FATE1: variants seen among roughly 807,000 people sequenced by gnomAD.
FATE1 encodes the protein fetal and adult testis-expressed transcript protein.
A neutral mutation model predicts 16.0 loss-of-function variants in FATE1; 18 were observed. The ratio of observed to expected loss-of-function variants is 1.12; its 90% CI spans 0.78 to 1.66. The LOEUF (loss-of-function observed/expected upper bound fraction) is 1.66, where lower values mean the gene tolerates loss of function less well. FATE1 is among the 40% of genes most tolerant of loss of function. The probability of loss-of-function intolerance (pLI) is 0.00; values close to 1 mark genes in which losing one functional copy is unlikely to be tolerated. For missense variants in FATE1, 169 were observed against 152.7 expected, an observed-to-expected ratio of 1.11 and a Z score of -0.56; for synonymous variants, 76 against 56.9, an observed-to-expected ratio of 1.34 and a Z score of -1.51.
chrX:151,720,885 T>G (rs1396778454), intron 2 of FATE1, among the ~76,000 whole-genome samples: 1 of 111,081 alleles, frequency 9.0e-6, no homozygotes, highest in Non-Finnish European at 1.9e-5. Context: ...TGCTAGGGAG[T>G]TGTTGGCAGA....
chrX:151,721,197 A>G (rs2015112227), intron 2 of FATE1, among the ~76,000 whole-genome samples, 198 bp from the exon 3 acceptor site: 1 of 112,203 alleles, frequency 8.9e-6, no homozygotes, highest in Non-Finnish European at 1.9e-5. Context: ...ACCGAGGAGC[A>G]TGGTGTGGGT....
chrX:151,722,738 G>A lies in FATE1; in HGVS notation c.531G>A (p.Leu177=). ...AVLVSASIAN[L]WLWMNQ Reference sequence around the variant, plus strand: ...TGGTGTCGGCCAGCATTGCCAACCTGTGGCTGTGGATGAACCAGTGATCGC... The same window carrying A: ...TGGTGTCGGCCAGCATTGCCAACCTATGGCTGTGGATGAACCAGTGATCGC... Residue 177 remains leucine, a synonymous_variant, in exon 5 of 5, where the codon CTG becomes CTA. Coordinates refer to ENST00000370350, the MANE Select transcript of FATE1 (RefSeq NM_033085.3). The A allele has an allele frequency of 8.3e-7, 1 of 1,211,084 alleles. No homozygotes were observed. Among genetic ancestry groups the A allele is most frequent in the Non-Finnish European group, 1.1e-6 (1 of 894,913 alleles).
chrX:151,719,312 C>G (rs1215326735), intron 2 of FATE1, among the ~76,000 whole-genome samples: 1 of 111,819 alleles, frequency 8.9e-6, no homozygotes, highest in Non-Finnish European at 1.9e-5. Context: ...TGCTATCCTG[C>G]TGACTTGGAA....
chrX:151,722,498 C>T lies in FATE1; in HGVS notation c.421-130C>T, dbSNP rs1425019518. ...CCAGCCTCCTGCTTCTCACTAGGGGCGCTCCCCGCTCCACCGCCAAAGGGC... is the reference window on the plus strand; with the variant it reads ...CCAGCCTCCTGCTTCTCACTAGGGGTGCTCCCCGCTCCACCGCCAAAGGGC... On this transcript the variant is annotated intron_variant, in intron 4 of 4. Coordinates refer to ENST00000370350, the MANE Select transcript of FATE1 (RefSeq NM_033085.3). The T allele has an allele frequency of 6.1e-5, 59 of 973,153 alleles. No homozygotes were observed. The East Asian group carries it at 1.6e-3, about 26-fold the overall frequency. 80.2% of individuals were successfully genotyped at this position (973,153 alleles called of 1,213,427 possible). A position where few individuals can be genotyped will look rare whatever the true frequency, so the allele number is the denominator to read the frequency against.
chrX:151,722,515 C>A, intron 4 of FATE1, 113 bp from the exon 5 acceptor site: 1 of 1,112,246 alleles, frequency 9.0e-7, no homozygotes, highest in Non-Finnish European at 1.2e-6. Flanking sequence ...CGCTCCACCG[C>A]CAAAGGGCAA....
chrX:151,722,985 C>T lies in FATE1; in HGVS notation c.*226C>T. 1 of 398,280 alleles carries T rather than the reference C, an allele frequency of 2.5e-6. No individual in the cohort carries two copies. The highest frequency in any genetic ancestry group is 4.3e-6 in the Non-Finnish European group (1 of 234,924). The allele number at this position is 398,280 out of a possible 1,213,427, so 32.8% of individuals were successfully genotyped here. A position where few individuals can be genotyped will look rare whatever the true frequency, so the allele number is the denominator to read the frequency against. On this transcript the variant is annotated 3_prime_UTR_variant, in exon 5 of 5. Transcript: ENST00000370350. ...GAGGAGGACTGCGTGGGCTGAGATG[C>T]CACCCTTTGAAGGGTGAACAGCATG...
chrX:151,721,588 G>A (rs1371362676), intron 3 of FATE1, 87 bp downstream of exon 3: 1 of 820,616 alleles, frequency 1.2e-6, no homozygotes, highest in African/African-American at 2.0e-5. Context: ...GGCCAGGATG[G>A]AGTCATGAGG....
At chrX:151,718,157 GAA>G (rs1439099860) in intron 2 of FATE1, among the ~76,000 whole-genome samples, 1,490 of 88,519 alleles carry the variant, frequency 0.017, 37 homozygotes, top group African/African-American at 0.051. Context: ...AGGAAGGAAG[GAA>G]GGAAGGAAGG....
At chrX:151,722,459 C>G (rs1196334900) in intron 4 of FATE1, among the ~76,000 whole-genome samples, 169 bp from the exon 5 acceptor site, 1 of 112,924 alleles carries the variant, frequency 8.9e-6, no homozygotes, top group East Asian at 2.8e-4. Flanking sequence ...GGTCTTTGGT[C>G]CCGCGGACCT....
chrX:151,716,197 G>A lies in FATE1; in HGVS notation c.78G>A (p.Gly26=), dbSNP rs1257920405. The change falls in exon 1 of 5, where the codon GGG becomes GGA. Residue 26 remains glycine, a synonymous_variant. Coordinates refer to ENST00000370350, the MANE Select transcript of FATE1 (RefSeq NM_033085.3). ...LAEELNHGRQ[G]ENQEHLVIAE... Reference sequence around the variant, plus strand: ...AAGAACTGAATCATGGACGCCAAGGGGAAAACCAAGAGCACCTGGTGATAG... The same window carrying A: ...AAGAACTGAATCATGGACGCCAAGGAGAAAACCAAGAGCACCTGGTGATAG... 4.3e-6 allele frequency: 5 copies of A among 1,166,223 alleles called. No individual in the cohort carries two copies. The highest frequency in any genetic ancestry group is 2.6e-5 in the Admixed American group (1 of 38,566).
At chrX:151,718,674 A>G (rs2015087944) in intron 2 of FATE1, among the ~76,000 whole-genome samples, 1 of 112,116 alleles carries the variant, frequency 8.9e-6, no homozygotes, top group Non-Finnish European at 1.9e-5. Flanking sequence ...TGCTGGCCAC[A>G]TTGTTGCAAA....
chrX:151,716,100 C>T lies in FATE1; in HGVS notation c.-20C>T, dbSNP rs58283913. 1,965 of 1,151,149 alleles carry T rather than the reference C, an allele frequency of 1.7e-3. 22 individuals carry two copies. The African/African-American group carries it at 0.029, about 17-fold the overall frequency. 94.9% of individuals were successfully genotyped at this position (1,151,149 alleles called of 1,213,427 possible). On this transcript the variant is annotated 5_prime_UTR_variant, in exon 1 of 5. Coordinates refer to ENST00000370350, the MANE Select transcript of FATE1 (RefSeq NM_033085.3). The stretch of plus-strand genomic sequence containing the variant: ...CCTGTGCATCCTTAGCCATAGCTTA[C>T]AAGAGAACAGCTGGTTGTGATGGCA...
At position 151,723,090 on chromosome X, in the gene FATE1, T is replaced by C. The variant is rs767312539; in HGVS notation, c.*331T>C. 1.9e-5 allele frequency: 4 copies of C among 208,503 alleles called. No homozygotes were observed. Among genetic ancestry groups the C allele is most frequent in the African/African-American group, 8.8e-5 (3 of 33,924 alleles). The allele number at this position is 208,503 out of a possible 1,213,427, so 17.2% of individuals were successfully genotyped here. ...AGCGGCCCTTCTGTTCCATCCTCTG[T>C]GGGCAGGGGTGTGGCTTTGTTTTCC... On this transcript the variant is annotated 3_prime_UTR_variant, in exon 5 of 5. Transcript: ENST00000370350.
intron 4 of FATE1, among the ~76,000 whole-genome samples, chrX:151,722,249 G>C: frequency 8.9e-6 from 1 of 111,808 alleles, no homozygotes; most frequent in East Asian, 2.8e-4. Context: ...CAAGGATAAG[G>C]GTTCTATGTC....
intron 1 of FATE1, 27 bp from the exon 2 acceptor site, chrX:151,717,245 T>C: frequency 8.4e-7 from 1 of 1,194,597 alleles, no homozygotes; most frequent in Non-Finnish European, 1.1e-6. Flanking sequence ...CTATGGGTGC[T>C]CCTGGAGCTT....
chrX:151,721,786 C>A (rs1158956486), intron 3 of FATE1, 117 bp from the exon 4 acceptor site: 3 of 649,240 alleles, frequency 4.6e-6, no homozygotes, highest in Non-Finnish European at 2.5e-6. Flanking sequence ...GGACTGGAGG[C>A]TGATAGAGTC....
At chrX:151,721,351 T>C (rs1249035886) in intron 2 of FATE1, 44 bp from the exon 3 acceptor site, 1 of 1,129,826 alleles carries the variant, frequency 8.9e-7, no homozygotes, top group East Asian at 3.0e-5. Flanking sequence ...AAGCCACTCA[T>C]GTGGGGTTGG....
chrX:151,716,496 G>A (rs1458315560), intron 1 of FATE1, among the ~76,000 whole-genome samples: 2 of 111,370 alleles, frequency 1.8e-5, no homozygotes, highest in South Asian at 3.9e-4. Flanking sequence ...CACAGTCTCT[G>A]TTGCAAAATA....
chrX:151,718,013 C>T (rs2015076759), intron 2 of FATE1, among the ~76,000 whole-genome samples: 1 of 109,438 alleles, frequency 9.1e-6, no homozygotes, highest in Admixed American at 9.8e-5. Context: ...TTGAACCTAG[C>T]AGGCAGAGGT....
Sources: allele counts gnomAD v4.1 joint callset (sites outside exome capture counted in the v4.1 genomes callset), GRCh38; gene constraint gnomAD v4.1.1; transcripts MANE v1.5; gene names NCBI Gene and HGNC (gene_info 2026-07-23, HGNC 2026-07-21).